PCDHB12: variants seen among roughly 807,000 people sequenced by gnomAD.
PCDHB12 encodes protocadherin beta-12.
For synonymous variants in PCDHB12, 560 were observed against 445.2 expected (o/e 1.26, Z -3.24); for missense variants, 1,192 against 998.2 (o/e 1.19, Z -2.62).
At position 141,210,673 on chromosome 5, in the gene PCDHB12, T is replaced by C; in HGVS notation, c.1766T>C (p.Val589Ala). Residue 589 changes from valine to alanine, a missense_variant, in exon 1 of 1, where the codon GTG (valine) becomes GCG (alanine). Transcript: ENST00000239450. The part of the protein sequence containing the change: ...AAEPGYLVTK[V>A]VAVDGDSGQN... ...GAGCCGGGCTACCTGGTGACCAAGG[T>C]GGTGGCGGTGGACGGTGACTCGGGC... is the stretch of plus-strand genomic sequence containing the variant. 6.2e-7 allele frequency: 1 copy of C among 1,610,772 alleles called. No homozygotes were observed. Among genetic ancestry groups the C allele is most frequent in the Non-Finnish European group, 8.5e-7 (1 of 1,179,698 alleles).
chr5:141,209,079 G>GAGCT lies in PCDHB12; in HGVS notation c.173_176dup (p.Ser60AlafsTer11), dbSNP rs1554286581. The GAGCT allele has an allele frequency of 5.6e-6, 9 of 1,613,166 alleles. No homozygotes were observed. The stretch of plus-strand genomic sequence containing the variant: ...AAAGACCCTGGGACTCGAGGTGAGT[G>GAGCT]AGCTGTCTTCGCGGGGGGCTCGGGT... On this transcript the variant is annotated frameshift_variant, in exon 1 of 1. Coordinates refer to ENST00000239450, the MANE Select transcript of PCDHB12 (RefSeq NM_018932.4). LOFTEE classifies it low-confidence loss of function (END_TRUNC).
chr5:141,210,498 G>A lies in PCDHB12; in HGVS notation c.1591G>A (p.Val531Met), dbSNP rs139448614. The change falls in exon 1 of 1, where the codon GTG becomes ATG. Residue 531 changes from valine (V) to methionine (M), a missense_variant. Coordinates refer to ENST00000239450, the MANE Select transcript of PCDHB12 (RefSeq NM_018932.4). ...YEALQGFQFR[V>M]GATDHGSPAL... is the part of the protein sequence containing the mutation. ...GGCCCTGCAGGGGTTCCAGTTCCGCGTGGGCGCCACAGACCACGGCTCCCC... is the reference window on the plus strand; with the variant it reads ...GGCCCTGCAGGGGTTCCAGTTCCGCATGGGCGCCACAGACCACGGCTCCCC... 7 of 1,612,374 alleles carry A rather than the reference G, an allele frequency of 4.3e-6. No homozygotes were observed. Among genetic ancestry groups the A allele is most frequent in the Admixed American group, 1.7e-5 (1 of 60,006 alleles).
Position 141,209,423 on chromosome 5 carries a change from A to T in PCDHB12, c.516A>T (p.Ile172=). ...VGINAVKSYT[I]NPNSHFHVKI... The stretch of plus-strand genomic sequence containing the variant: ...TCAATGCTGTAAAAAGCTACACAAT[A>T]AATCCGAACTCTCATTTCCACGTTA... The change falls in exon 1 of 1, where the codon ATA becomes ATT. Residue 172 remains isoleucine, a synonymous_variant. Transcript: ENST00000239450. 2.5e-6 allele frequency: 4 copies of T among 1,614,202 alleles called. No individual in the cohort carries two copies. Among genetic ancestry groups the T allele is most frequent in the Non-Finnish European group, 3.4e-6 (4 of 1,180,028 alleles).
Position 141,210,254 on chromosome 5 carries a change from C to G in PCDHB12, c.1347C>G (p.Pro449=). The G allele has an allele frequency of 1.9e-6, 3 of 1,614,144 alleles. No individual in the cohort carries two copies. Among genetic ancestry groups the G allele is most frequent in the Non-Finnish European group, 2.5e-6 (3 of 1,180,042 alleles). The part of the protein sequence containing the change: ...VLVSDVNDNA[P]AFTQTSYALF... ...TCTCCGACGTCAATGACAACGCCCC[C>G]GCCTTCACCCAAACTTCCTACGCCC... is the stretch of plus-strand genomic sequence containing the variant. Residue 449 remains proline (P), a synonymous_variant, in exon 1 of 1, where the codon CCC becomes CCG. Transcript: ENST00000239450.
chr5:141,211,690 T>A lies in PCDHB12; in HGVS notation c.*395T>A, dbSNP rs185157032. On this transcript the variant is annotated 3_prime_UTR_variant, in exon 1 of 1. Transcript: ENST00000239450. ...TGTACCTTTTTAAACTTTATTTTTT[T>A]AAAAAAAGTTGTTTTATGAATCATA... 5.9e-4 allele frequency: 132 copies of A among 224,360 alleles called. No homozygotes were observed. The highest frequency in any genetic ancestry group is 2.8e-3 in the African/African-American group (120 of 42,228). 13.9% of individuals were successfully genotyped at this position (224,360 alleles called of 1,614,324 possible). A position where few individuals can be genotyped will look rare whatever the true frequency, so the allele number is the denominator to read the frequency against.
rs1234974911 is a variant in PCDHB12 at position 141,210,407 on chromosome 5, C to A, written c.1500C>A (p.Leu500=). The A allele has an allele frequency of 2.5e-6, 4 of 1,613,100 alleles. No homozygotes were observed. Among genetic ancestry groups the A allele is most frequent in the East Asian group, 2.2e-5 (1 of 44,876 alleles). The change falls in exon 1 of 1, where the codon CTC becomes CTA. Residue 500 remains leucine, a synonymous_variant. Transcript: ENST00000239450. ...LLPSQDPHLP[L]ASLVSINADN... ...CGTCCCAGGACCCGCACCTGCCCCT[C>A]GCCTCCCTGGTCTCCATCAACGCGG...
Position 141,209,898 on chromosome 5 carries a change from T to A in PCDHB12, c.991T>A (p.Ser331Thr). The change falls in exon 1 of 1, where the codon TCT (serine) becomes ACT (threonine). Residue 331 changes from serine (S) to threonine (T), a missense_variant. Transcript: ENST00000239450. Reference protein sequence around the residue: ...ATDGGGLFGKSTVRIQVMDVN... With the variant: ...ATDGGGLFGKTTVRIQVMDVN... ...AGATGGGGGAGGACTTTTTGGAAAATCTACAGTCAGAATTCAGGTGATGGA... is the reference window on the plus strand; with the variant it reads ...AGATGGGGGAGGACTTTTTGGAAAAACTACAGTCAGAATTCAGGTGATGGA... 6.2e-7 allele frequency: 1 copy of A among 1,614,122 alleles called. No homozygotes were observed. Among genetic ancestry groups the A allele is most frequent in the Non-Finnish European group, 8.5e-7 (1 of 1,180,028 alleles).
In PCDHB12 at chr5:141,211,125, A is replaced by G. The variant is rs1554287160; in HGVS notation, c.2218A>G (p.Ser740Gly). ...GPFPGHLVDVSGTGTLSQSYH... is the reference protein window; with the variant it reads ...GPFPGHLVDVGGTGTLSQSYH... ...CTTTCCAGGACATCTGGTGGACGTG[A>G]GTGGCACCGGGACCCTGTCCCAGAG... The change falls in exon 1 of 1, where the codon AGT becomes GGT. Residue 740 changes from serine (S) to glycine (G), a missense_variant. Physicochemically the swap from Ser to Gly is moderately conservative, Grantham distance 56. Transcript: ENST00000239450. 2 of 1,614,094 alleles carry G rather than the reference A, an allele frequency of 1.2e-6. No individual in the cohort carries two copies. The highest frequency in any genetic ancestry group is 1.7e-6 in the Non-Finnish European group (2 of 1,180,002).
In PCDHB12 at chr5:141,210,975, C is replaced by CT. The variant is rs1563980837; in HGVS notation, c.2069dup (p.Val691GlyfsTer39). ...CCAGGCCGACTCGCTCACTGTCTAC[C>CT]TGGTGGTGGCGTTGGCCTCAGTGTC... On this transcript the variant is annotated frameshift_variant, in exon 1 of 1. Coordinates refer to ENST00000239450, the MANE Select transcript of PCDHB12 (RefSeq NM_018932.4). LOFTEE classifies it low-confidence loss of function (END_TRUNC). 1.2e-6 allele frequency: 2 copies of CT among 1,612,004 alleles called. No individual in the cohort carries two copies. Among genetic ancestry groups the CT allele is most frequent in the Admixed American group, 3.3e-5 (2 of 60,018 alleles).
Position 141,210,800 on chromosome 5 carries a change from C to G in PCDHB12, c.1893C>G (p.Ser631Arg). ...NGEVRTARLL[S>R]ERDAAKHRLV... ...AGGTGCGCACCGCCAGGCTGCTGAG[C>G]GAGCGCGACGCGGCCAAGCACAGGC... The change falls in exon 1 of 1, where the codon AGC (serine) becomes AGG (arginine). Residue 631 changes from serine to arginine, a missense_variant. Ser to Arg is a moderately radical substitution (Grantham distance 110). Transcript: ENST00000239450. 5 of 1,599,742 alleles carry G rather than the reference C, an allele frequency of 3.1e-6. No homozygotes were observed. Among genetic ancestry groups the G allele is most frequent in the South Asian group, 1.1e-5 (1 of 90,828 alleles).
Position 141,210,232 on chromosome 5 carries a change from C to T in PCDHB12, c.1325C>T (p.Ser442Phe), listed in dbSNP as rs777084300. The T allele has an allele frequency of 3.7e-6, 6 of 1,614,210 alleles. No homozygotes were observed. The highest frequency in any genetic ancestry group is 5.1e-6 in the Non-Finnish European group (6 of 1,180,036). The change falls in exon 1 of 1, where the codon TCC becomes TTC. Residue 442 changes from serine to phenylalanine, a missense_variant. Physicochemically the swap from Ser to Phe is radical, Grantham distance 155. Transcript: ENST00000239450. ...KTEHNITVLV[S>F]DVNDNAPAFT... ...GAGCACAACATAACCGTGCTGGTCT[C>T]CGACGTCAATGACAACGCCCCCGCC...
rs782395216 is a variant in PCDHB12, at chr5:141,208,954, T to A, written c.47T>A (p.Leu16His). 3 of 1,554,746 alleles carry A rather than the reference T, an allele frequency of 1.9e-6. No homozygotes were observed. The highest frequency in any genetic ancestry group is 2.6e-6 in the Non-Finnish European group (3 of 1,155,116). Residue 16 changes from leucine to histidine, a missense_variant, in exon 1 of 1, where the codon CTT becomes CAT. Transcript: ENST00000239450. ...ACTCTGCAGATAAGGCAAGTCCTGC[T>A]TTTCTTTGTTTTGCTGGGAATGTCT... ...AGTLQIRQVL[L>H]FFVLLGMSQA... is the part of the protein sequence containing the mutation.
rs1457345011 is a variant in PCDHB12 at position 141,210,655 on chromosome 5, G to T, written c.1748G>T (p.Gly583Val). ...TELVPWAAEP[G>V]YLVTKVVAVD... is the part of the protein sequence containing the mutation. ...CTGGTGCCCTGGGCGGCCGAGCCGG[G>T]CTACCTGGTGACCAAGGTGGTGGCG... The change falls in exon 1 of 1, where the codon GGC (glycine) becomes GTC (valine). Residue 583 changes from glycine to valine, a missense_variant. Coordinates refer to ENST00000239450, the MANE Select transcript of PCDHB12 (RefSeq NM_018932.4). The T allele has an allele frequency of 6.2e-7, 1 of 1,611,118 alleles. No individual in the cohort carries two copies. The highest frequency in any genetic ancestry group is 8.5e-7 in the Non-Finnish European group (1 of 1,179,734).
rs1398249544 is a variant in PCDHB12, at chr5:141,210,863, C to G, written c.1956C>G (p.Arg652=). Residue 652 remains arginine (R), a synonymous_variant, in exon 1 of 1, where the codon CGC becomes CGG. Transcript: ENST00000239450. ...VLVKDNGEPP[R]SATATLHVLL... ...TCAAGGACAATGGCGAGCCTCCGCG[C>G]TCGGCCACCGCCACGCTGCACGTGC... 5 of 1,603,864 alleles carry G rather than the reference C, an allele frequency of 3.1e-6. No individual in the cohort carries two copies. Among genetic ancestry groups the G allele is most frequent in the Non-Finnish European group, 4.2e-6 (5 of 1,179,248 alleles).
Position 141,209,298 on chromosome 5 carries a change from C to G in PCDHB12, c.391C>G (p.Pro131Ala). ...GGTCAGGGATATAAATGATCACTCTCCCGTCTTCTTGGAAAAAGAAATGCT... is the reference window on the plus strand; with the variant it reads ...GGTCAGGGATATAAATGATCACTCTGCCGTCTTCTTGGAAAAAGAAATGCT... ...LQVRDINDHS[P>A]VFLEKEMLLE... The change falls in exon 1 of 1, where the codon CCC becomes GCC. Residue 131 changes from proline (P) to alanine (A), a missense_variant. By Grantham distance (27) the Pro-to-Ala change is conservative (BLOSUM62 -1). Transcript: ENST00000239450. 3 of 1,614,164 alleles carry G rather than the reference C, an allele frequency of 1.9e-6. No homozygotes were observed. Among genetic ancestry groups the G allele is most frequent in the Non-Finnish European group, 2.5e-6 (3 of 1,180,032 alleles).
Position 141,209,760 on chromosome 5 carries a change from T to C in PCDHB12, c.853T>C (p.Ser285Pro), listed in dbSNP as rs1554286738. 6.2e-7 allele frequency: 1 copy of C among 1,614,222 alleles called. No individual in the cohort carries two copies. ...ACTATCCTATACCTTTTCCCATGCC[T>C]CAGAAGATATTCGCAAGACATTTGA... ...SELSYTFSHA[S>P]EDIRKTFEIN... The change falls in exon 1 of 1, where the codon TCA becomes CCA. Residue 285 changes from serine (S) to proline (P), a missense_variant. Physicochemically the swap from Ser to Pro is moderately conservative, Grantham distance 74. Coordinates refer to ENST00000239450, the MANE Select transcript of PCDHB12 (RefSeq NM_018932.4).
Position 141,208,989 on chromosome 5 carries a change from T to C in PCDHB12, c.82T>C (p.Ser28Pro). 1 of 1,599,056 alleles carries C rather than the reference T, an allele frequency of 6.3e-7. No homozygotes were observed. The highest frequency in any genetic ancestry group is 8.5e-7 in the Non-Finnish European group (1 of 1,173,934). The change falls in exon 1 of 1, where the codon TCT (serine) becomes CCT (proline). Residue 28 changes from serine to proline, a missense_variant. Ser to Pro is a moderately conservative substitution (Grantham distance 74). Coordinates refer to ENST00000239450, the MANE Select transcript of PCDHB12 (RefSeq NM_018932.4). ...TTTGCTGGGAATGTCTCAGGCGGGC[T>C]CTGAAACTGGGAACTTTTTGGTGAT... ...FVLLGMSQAG[S>P]ETGNFLVMEE...
Position 141,210,609 on chromosome 5 carries a change from G to A in PCDHB12, c.1702G>A (p.Gly568Ser), listed in dbSNP as rs151253443. The change falls in exon 1 of 1, where the codon GGC becomes AGC. Residue 568 changes from glycine (G) to serine (S), a missense_variant. By Grantham distance (56) the Gly-to-Ser change is moderately conservative. Coordinates refer to ENST00000239450, the MANE Select transcript of PCDHB12 (RefSeq NM_018932.4). Reference protein sequence around the residue: ...SPFVLYPLQNGSAPCTELVPW... With the variant: ...SPFVLYPLQNSSAPCTELVPW... ...CTTCGTGCTGTACCCGCTGCAGAACGGCTCCGCGCCCTGCACCGAGCTGGT... is the reference window on the plus strand; with the variant it reads ...CTTCGTGCTGTACCCGCTGCAGAACAGCTCCGCGCCCTGCACCGAGCTGGT... The A allele has an allele frequency of 7.0e-3, 11,340 of 1,611,038 alleles. 14 individuals carry two copies. The highest frequency in any genetic ancestry group is 8.0e-3 in the Non-Finnish European group (9,416 of 1,179,540).
rs782555743 is a variant in PCDHB12, at chr5:141,210,642, G to T, written c.1735G>T (p.Ala579Ser). 8.7e-6 allele frequency: 14 copies of T among 1,611,330 alleles called. No homozygotes were observed. The East Asian group carries it at 3.1e-4, about 36-fold the overall frequency. ...GCCCTGCACCGAGCTGGTGCCCTGG[G>T]CGGCCGAGCCGGGCTACCTGGTGAC... ...SAPCTELVPW[A>S]AEPGYLVTKV... is the part of the protein sequence containing the mutation. The change falls in exon 1 of 1, where the codon GCG becomes TCG. Residue 579 changes from alanine to serine, a missense_variant. Ala to Ser is a moderately conservative substitution (Grantham distance 99). Transcript: ENST00000239450.
Sources: allele counts gnomAD v4.1 joint callset, GRCh38; gene constraint gnomAD v4.1.1; transcripts MANE v1.5; gene names NCBI Gene and HGNC (gene_info 2026-07-23, HGNC 2026-07-21).